The following FNBP1 variants were observed in gnomAD, a reference collection of about 807,000 sequenced individuals.
FNBP1 encodes the protein formin binding protein 1.
A neutral mutation model predicts 90.6 loss-of-function variants in FNBP1; 26 were observed. The observed-to-expected ratio is 0.29, with a 90% CI of 0.21 to 0.40. The LOEUF is 0.40. Ranked by LOEUF, FNBP1 falls within the 10% of genes least tolerant of loss-of-function variation. FNBP1 has a pLI of 1.00. For synonymous variants in FNBP1, 260 were observed against 265.2 expected (o/e 0.98, Z 0.19); for missense variants, 635 against 768.0 (o/e 0.83, Z 2.05).
At chr9:129,986,547 T>C (rs2052283747) in intron 2 of FNBP1, among the ~76,000 whole-genome samples, 1 of 151,832 alleles carries the variant, frequency 6.6e-6, no homozygotes, top group Non-Finnish European at 1.5e-5. Flanking sequence ...ATCCCAGCAC[T>C]TTGGGAGGCC....
chr9:130,053,859 G>T, the FNBP1 span: 2 of 1,424,618 alleles, frequency 1.4e-6, no homozygotes, highest in Non-Finnish European at 9.6e-7. Flanking sequence ...CGCTCCCCGG[G>T]CCCTTCCGGC....
intron 2 of FNBP1, among the ~76,000 whole-genome samples, chr9:129,983,626 C>T (rs2051655385): frequency 6.6e-6 from 1 of 152,126 alleles, no homozygotes; most frequent in Non-Finnish European, 1.5e-5. Flanking sequence ...GCCTGGCCAA[C>T]ATGGTGAAAC....
intron 15 of FNBP1, among the ~76,000 whole-genome samples, chr9:129,898,291 G>GC (rs1432615111): frequency 1.3e-5 from 2 of 151,916 alleles, no homozygotes; most frequent in African/African-American, 4.8e-5. Context: ...TCCCTACCTC[G>GC]CCCCCATTGG....
intron 6 of FNBP1, among the ~76,000 whole-genome samples, chr9:129,938,813 G>A (rs143668214): frequency 6.6e-6 from 1 of 152,274 alleles, no homozygotes; most frequent in East Asian, 1.9e-4. Flanking sequence ...TCATCATGAT[G>A]TTGGCAAGCC....
intron 1 of FNBP1, among the ~76,000 whole-genome samples, chr9:130,013,206 C>T (rs2056844632): frequency 6.6e-6 from 1 of 151,598 alleles, no homozygotes; most frequent in Non-Finnish European, 1.5e-5. Context: ...TCTTGAATAC[C>T]TGGGCTCAAG....
chr9:129,964,402 C>A (rs1315444213), intron 4 of FNBP1, among the ~76,000 whole-genome samples: 1 of 152,078 alleles, frequency 6.6e-6, no homozygotes, highest in African/African-American at 2.4e-5. Flanking sequence ...TCATAAGATG[C>A]TTTTAGTTTC....
At chr9:130,050,568 T>G in the FNBP1 span, among the ~76,000 whole-genome samples, 33 of 152,308 alleles carry the variant, frequency 2.2e-4, no homozygotes, top group Admixed American at 1.9e-3. Flanking sequence ...GACTTCTGAA[T>G]GTATTGCTAG....
At position 129,974,299 on chromosome 9, in the gene FNBP1, C is replaced by A. The variant is rs58387570; in HGVS notation, c.345+4166G>T. On this transcript the variant is annotated intron_variant, in intron 4 of 16. Transcript: ENST00000446176. ...CAGCTCTGCAACAGAGCAACACACC[C>A]AGCTCACTGCACCTTCCTGTGCTCC... is the stretch of plus-strand genomic sequence containing the variant. Among the ~76,000 whole-genome samples, 764 of 152,272 alleles carry A rather than the reference C, an allele frequency of 5.0e-3. 9 individuals carry two copies. The highest frequency in any genetic ancestry group is 0.017 in the African/African-American group (723 of 41,554).
At chr9:129,920,549 C>T (rs994686427) in intron 10 of FNBP1, among the ~76,000 whole-genome samples, 1 of 152,188 alleles carries the variant, frequency 6.6e-6, no homozygotes, top group Admixed American at 6.5e-5. Context: ...ATCCACCCAC[C>T]TCAGCCTCCC....
chr9:129,951,010 C>T (rs926018672), intron 6 of FNBP1, among the ~76,000 whole-genome samples: 16 of 148,266 alleles, frequency 1.1e-4, no homozygotes, highest in African/African-American at 3.5e-4. Context: ...CTCCCTCTGT[C>T]ACCCAGGCTG....
In FNBP1 at chr9:129,957,317, C is replaced by T. The variant is rs767563735; in HGVS notation, c.513+43G>A. ...CCTCCCAAAGTGCTGGGATTACAGGCGTGAGCCACCGTGCCCGGCCCACAC... is the reference window on the plus strand; with the variant it reads ...CCTCCCAAAGTGCTGGGATTACAGGTGTGAGCCACCGTGCCCGGCCCACAC... On this transcript the variant is annotated intron_variant, in intron 6 of 16. Transcript: ENST00000446176. The surrounding 1 kb of genome is among the most constrained non-coding windows in gnomAD (Gnocchi z 4.3). 3.8e-5 allele frequency: 52 copies of T among 1,382,744 alleles called. No homozygotes were observed. The highest frequency in any genetic ancestry group is 1.8e-4 in the Middle Eastern group (1 of 5,566). The allele number at this position is 1,382,744 out of a possible 1,614,324, so 85.7% of individuals were successfully genotyped here. A position where few individuals can be genotyped will look rare whatever the true frequency, so the allele number is the denominator to read the frequency against.
rs186738495 is a variant in FNBP1 at position 129,977,113 on chromosome 9, C to T, written c.345+1352G>A. On this transcript the variant is annotated intron_variant, in intron 4 of 16. Transcript: ENST00000446176. ...GGCGGAGGTTTCAGGGAGTCGAGAT[C>T]GCACCACTTCACTCGGGCCTGGACC... is the stretch of plus-strand genomic sequence containing the variant. 6.3e-3 allele frequency among the ~76,000 whole-genome samples: 961 copies of T among 151,340 alleles called. 3 individuals are homozygous for T. Among genetic ancestry groups the T allele is most frequent in the East Asian group, 0.013 (65 of 5,146 alleles).
rs753987401 is a variant in FNBP1 at position 129,889,081 on chromosome 9, CGGG to C, written c.*1455_*1457del. ...GGGGCTGCTCTGCTCTAAGGCGTGGCGGGGGGGGGGGGTGGTGGCCACAGATTA... is the reference window on the plus strand; with the variant it reads ...GGGGCTGCTCTGCTCTAAGGCGTGGCGGGGGGGGGTGGTGGCCACAGATTA... On this transcript the variant is annotated 3_prime_UTR_variant, in exon 17 of 17. Coordinates refer to ENST00000446176, the MANE Select transcript of FNBP1 (RefSeq NM_015033.3). 6.4e-3 allele frequency: 263 copies of C among 40,780 alleles called. 2 individuals carry two copies. The highest frequency in any genetic ancestry group is 0.014 in the Middle Eastern group (2 of 148). The allele number at this position is 40,780 out of a possible 1,614,324, so 2.5% of individuals were successfully genotyped here.
intron 6 of FNBP1, among the ~76,000 whole-genome samples, chr9:129,954,205 T>C (rs1000568365): frequency 6.6e-5 from 10 of 152,192 alleles, no homozygotes; most frequent in African/African-American, 2.4e-4. Context: ...ATGAAATGGA[T>C]ATATTACTAT....
At chr9:129,960,728 G>A (rs2047683752) in intron 4 of FNBP1, among the ~76,000 whole-genome samples, 1 of 152,044 alleles carries the variant, frequency 6.6e-6, no homozygotes, top group Non-Finnish European at 1.5e-5. Flanking sequence ...GATTTCAGAT[G>A]GTGGGAGGCT....
At chr9:129,895,559 G>T (rs1267732708) in intron 16 of FNBP1, 11 of 1,233,084 alleles carry the variant, frequency 8.9e-6, no homozygotes, top group Non-Finnish European at 1.1e-5. Context: ...AAGAAGAAAT[G>T]TTTATCAGAT....
chr9:129,944,539 CAAAAA>C (rs34283195), intron 6 of FNBP1, among the ~76,000 whole-genome samples: 1 of 114,494 alleles, frequency 8.7e-6, no homozygotes, highest in African/African-American at 3.2e-5. Flanking sequence ...GACTGCGTCT[CAAAAA>C]AAAAAAAAAA....
Position 129,900,157 on chromosome 9 carries a change from C to CA in FNBP1, c.1551-57dup, listed in dbSNP as rs901352981. On this transcript the variant is annotated intron_variant, in intron 14 of 16. Coordinates refer to ENST00000446176, the MANE Select transcript of FNBP1 (RefSeq NM_015033.3). This position sits in a 1 kb window ranked among gnomAD's most constrained non-coding sequence, Gnocchi z 4.1. ...AAAGCGACTGACCCCAGGGAGGACT[C>CA]AGATTGAGTCCCTGCGACTGGAGAG... 6.0e-6 allele frequency: 9 copies of CA among 1,507,262 alleles called. No homozygotes were observed. In the African/African-American group the frequency reaches 9.8e-5, roughly 16 times the overall value. 93.4% of individuals were successfully genotyped at this position (1,507,262 alleles called of 1,614,324 possible).
upstream of FNBP1, chr9:130,043,261 T>A (rs185134416): frequency 7.7e-6 from 2 of 258,278 alleles, no homozygotes; most frequent in African/African-American, 2.3e-5. Context: ...GCGGGGCCGG[T>A]CTGACAGCTC....
Sources: allele counts gnomAD v4.1 joint callset (sites outside exome capture counted in the v4.1 genomes callset), GRCh38; gene constraint gnomAD v4.1.1; non-coding constraint Gnocchi (gnomAD v3.1); transcripts MANE v1.5; gene names NCBI Gene and HGNC (gene_info 2026-07-23, HGNC 2026-07-21).